Variants in GALNT16 observed in about 807,000 individuals in gnomAD.
GALNT16 encodes UDP-GalNAc:polypeptide N-acetylgalactosaminyltransferase-like protein 1.
GALNT16 carries 40 observed loss-of-function variants against 76.1 expected under a neutral mutation model. The ratio of observed to expected loss-of-function variants is 0.53; its 90% CI spans 0.41 to 0.68. The LOEUF (loss-of-function observed/expected upper bound fraction) is 0.68, where lower values mean the gene tolerates loss of function less well. GALNT16 is among the 30% of genes least tolerant of loss of function. The pLI, the probability that GALNT16 is intolerant of heterozygous loss-of-function variation, is 0.00. For missense variants in GALNT16, 621 were observed against 731.9 expected, an observed-to-expected ratio of 0.85 and a Z score of 1.75; for synonymous variants, 276 against 285.2, an observed-to-expected ratio of 0.97 and a Z score of 0.32.
intron 1 of GALNT16, among the ~76,000 whole-genome samples, chr14:69,283,149 C>T (rs562196771): frequency 2.0e-5 from 3 of 152,146 alleles, no homozygotes; most frequent in Non-Finnish European, 2.9e-5. Context: ...TTCTCAGACT[C>T]GGTTTCTTCA....
At chr14:69,267,459 G>C (rs896309324) in intron 1 of GALNT16, among the ~76,000 whole-genome samples, 1 of 152,194 alleles carries the variant, frequency 6.6e-6, no homozygotes, top group Non-Finnish European at 1.5e-5. Context: ...ACAACTTCAC[G>C]TTTCGCTGAA....
chr14:69,381,631 C>G, the GALNT16 span, among the ~76,000 whole-genome samples: 3 of 152,080 alleles, frequency 2.0e-5, no homozygotes, highest in African/African-American at 7.2e-5. Flanking sequence ...TGAATTAACT[C>G]ATTTTTACAA....
At chr14:69,338,093 T>A (rs1002862390) in intron 9 of GALNT16, among the ~76,000 whole-genome samples, 1 of 152,096 alleles carries the variant, frequency 6.6e-6, no homozygotes, top group Non-Finnish European at 1.5e-5. Flanking sequence ...CCACAAAAGC[T>A]GGTTCAGCTC....
At chr14:69,348,090 T>C (rs764742045) in intron 14 of GALNT16, 88 bp downstream of exon 14, 30 of 1,383,224 alleles carry the variant, frequency 2.2e-5, no homozygotes. Context: ...AGCCCCTGAT[T>C]GACTCAAATA....
At chr14:69,346,303 A>T (rs1012839144) in intron 12 of GALNT16, among the ~76,000 whole-genome samples, 2 of 152,180 alleles carry the variant, frequency 1.3e-5, no homozygotes, top group African/African-American at 4.8e-5. Context: ...TTTTCAATAT[A>T]ATCAACCACT....
At chr14:69,282,109 C>T (rs1175985023) in intron 1 of GALNT16, among the ~76,000 whole-genome samples, 1 of 152,186 alleles carries the variant, frequency 6.6e-6, no homozygotes, top group Non-Finnish European at 1.5e-5. Context: ...TATGTGAAGA[C>T]AACTCAAGTT....
intron 1 of GALNT16, among the ~76,000 whole-genome samples, chr14:69,284,812 T>G (rs2044588770): frequency 6.6e-6 from 1 of 152,010 alleles, no homozygotes; most frequent in Non-Finnish European, 1.5e-5. Flanking sequence ...TGGTGGTGGT[T>G]TCCCCATGCT....
At position 69,352,180 on chromosome 14, in the gene GALNT16, G is replaced by C. The variant is rs369081338; in HGVS notation, c.*12G>C. 9 of 1,600,188 alleles carry C rather than the reference G, an allele frequency of 5.6e-6. No individual in the cohort carries two copies. In the African/African-American group the frequency reaches 1.1e-4, roughly 19 times the overall value. On this transcript the variant is annotated 3_prime_UTR_variant, in exon 15 of 15. Coordinates refer to ENST00000448469, the MANE Select transcript of GALNT16 (RefSeq NM_001168368.2). ...TGCCACACACATGACGGTAGCCCTG[G>C]GGCCTCCTGTACCTTTTGCATGAGA... is the stretch of plus-strand genomic sequence containing the variant.
the GALNT16 span, among the ~76,000 whole-genome samples, chr14:69,375,953 TTTAAC>T: frequency 1.3e-5 from 2 of 150,924 alleles, no homozygotes; most frequent in South Asian, 2.1e-4. Context: ...AATAGACATC[TTTAAC>T]TTTTCAGTCT....
Position 69,333,154 on chromosome 14 carries a change from C to G in GALNT16, c.848C>G (p.Pro283Arg). The G allele has an allele frequency of 6.2e-7, 1 of 1,611,230 alleles. No individual in the cohort carries two copies. Among genetic ancestry groups the G allele is most frequent in the African/African-American group, 1.3e-5 (1 of 75,002 alleles). ...GAGCAGAAGATGACCCGGACAGACCCCACCAGGCCCATAAGGTCAGAGCTG... is the reference window on the plus strand; with the variant it reads ...GAGCAGAAGATGACCCGGACAGACCGCACCAGGCCCATAAGGTCAGAGCTG... Reference protein sequence around the residue: ...PLEQKMTRTDPTRPIRTPVIA... With the variant: ...PLEQKMTRTDRTRPIRTPVIA... Residue 283 changes from proline to arginine, a missense_variant, in exon 8 of 15, where the codon CCC (proline) becomes CGC (arginine). Physicochemically the swap from Pro to Arg is moderately radical, Grantham distance 103 (BLOSUM62 -2). Coordinates refer to ENST00000448469, the MANE Select transcript of GALNT16 (RefSeq NM_001168368.2). The surrounding 1 kb of genome is among the most constrained non-coding windows in gnomAD (Gnocchi z 4.2).
intron 7 of GALNT16, among the ~76,000 whole-genome samples, chr14:69,332,361 C>A (rs933636649): frequency 1.0e-4 from 14 of 134,910 alleles, no homozygotes; most frequent in Admixed American, 1.0e-3. Context: ...TGCATTAATT[C>A]AAATTAAATA....
intron 1 of GALNT16, among the ~76,000 whole-genome samples, chr14:69,272,023 C>T (rs1156772833): frequency 6.6e-6 from 1 of 152,160 alleles, no homozygotes; most frequent in African/African-American, 2.4e-5. Flanking sequence ...TCTGTTTCCA[C>T]TGGGCAGTGC....
chr14:69,275,105 G>A (rs781361918), intron 1 of GALNT16, among the ~76,000 whole-genome samples: 4 of 152,170 alleles, frequency 2.6e-5, no homozygotes, highest in Non-Finnish European at 5.9e-5. Context: ...ACAAAGGATT[G>A]GAACGAGAAA....
the GALNT16 span, among the ~76,000 whole-genome samples, chr14:69,377,835 A>AAAT: frequency 8.0e-6 from 1 of 125,150 alleles, no homozygotes; most frequent in African/African-American, 3.2e-5. Flanking sequence ...AAAAAAAAAA[A>AAAT]GAACATGAAC....
intron 1 of GALNT16, among the ~76,000 whole-genome samples, chr14:69,316,580 GA>G (rs2045103398): frequency 6.6e-6 from 1 of 152,220 alleles, no homozygotes. Flanking sequence ...GCTCACAGAG[GA>G]GGTGAGGTTT....
At chr14:69,270,861 G>A (rs2044398997) in intron 1 of GALNT16, among the ~76,000 whole-genome samples, 1 of 152,216 alleles carries the variant, frequency 6.6e-6, no homozygotes, top group Admixed American at 6.5e-5. Flanking sequence ...TGATCGCCTA[G>A]TGATGTCTTG....
At chr14:69,360,824 G>T (rs2045719773), downstream of GALNT16, among the ~76,000 whole-genome samples, 1 of 152,232 alleles carries the variant, frequency 6.6e-6, no homozygotes, top group Non-Finnish European at 1.5e-5. Context: ...AGGTTTGAGA[G>T]CCACTGTTCT....
At chr14:69,302,558 G>T (rs1038950728) in intron 1 of GALNT16, among the ~76,000 whole-genome samples, 1 of 152,130 alleles carries the variant, frequency 6.6e-6, no homozygotes. Flanking sequence ...ACCGAATCTT[G>T]CACAGAAGTC....
At chr14:69,307,408 G>A (rs1303539807) in intron 1 of GALNT16, among the ~76,000 whole-genome samples, 1 of 152,310 alleles carries the variant, frequency 6.6e-6, no homozygotes, top group South Asian at 2.1e-4. Flanking sequence ...CAATAAATAT[G>A]TATTGAACAA....
Sources: allele counts gnomAD v4.1 joint callset (sites outside exome capture counted in the v4.1 genomes callset), GRCh38; gene constraint gnomAD v4.1.1; non-coding constraint Gnocchi (gnomAD v3.1); transcripts MANE v1.5; gene names NCBI Gene and HGNC (gene_info 2026-07-23, HGNC 2026-07-21).